The following ANAPC16 variants were observed in gnomAD, a reference collection of about 807,000 sequenced individuals.
The protein encoded by ANAPC16 is anaphase-promoting complex subunit 16.
A neutral mutation model predicts 13.1 loss-of-function variants in ANAPC16; 6 were observed. The observed-to-expected ratio is 0.46, with a 90% CI of 0.25 to 0.90. The LOEUF is 0.90. ANAPC16 is among the 40% of genes least tolerant of loss of function. The pLI is 0.18. For missense variants in ANAPC16, 113 were observed against 131.1 expected (o/e 0.86, Z 0.67); for synonymous variants, 55 against 51.3 (o/e 1.07, Z -0.31).
At chr10:72,226,975 A>G (rs570781793) in intron 2 of ANAPC16, among the ~76,000 whole-genome samples, 6 of 152,264 alleles carry the variant, frequency 3.9e-5, no homozygotes, top group South Asian at 4.1e-4. Context: ...GTAGTGAACA[A>G]TTGGGGCCCT....
intron 2 of ANAPC16, among the ~76,000 whole-genome samples, chr10:72,229,191 C>G (rs547328545): frequency 6.7e-6 from 1 of 150,230 alleles, no homozygotes; most frequent in East Asian, 2.0e-4. Context: ...AAAAAGTATA[C>G]ATCCCAATAA....
In ANAPC16 at chr10:72,234,754, T is replaced by C. The variant is rs1043152020; in HGVS notation, c.*1638T>C. Reference sequence around the variant, plus strand: ...CAGTCGGTTAAGAGCCTGAGCCCTGTGAAGTTAAACACCTGCTCATGGTCA... The same window carrying C: ...CAGTCGGTTAAGAGCCTGAGCCCTGCGAAGTTAAACACCTGCTCATGGTCA... On this transcript the variant is annotated 3_prime_UTR_variant, in exon 4 of 4. Transcript: ENST00000299381. The C allele has an allele frequency of 6.6e-6, 1 of 152,170 alleles. No homozygotes were observed. Among genetic ancestry groups the C allele is most frequent in the Non-Finnish European group, 1.5e-5 (1 of 68,024 alleles). 9.4% of individuals were successfully genotyped at this position (152,170 alleles called of 1,614,324 possible).
chr10:72,232,267 G>A (rs906543290), intron 3 of ANAPC16, among the ~76,000 whole-genome samples: 16 of 150,814 alleles, frequency 1.1e-4, no homozygotes, highest in Non-Finnish European at 1.8e-4. Context: ...TTTGAGGGTC[G>A]GGCACAGTGG....
chr10:72,216,490 C>T (rs1437241854), intron 1 of ANAPC16, among the ~76,000 whole-genome samples: 3 of 129,236 alleles, frequency 2.3e-5, no homozygotes, highest in Non-Finnish European at 3.4e-5. Context: ...GCCCCCCCCC[C>T]CCCCCGTTAC....
intron 1 of ANAPC16, among the ~76,000 whole-genome samples, chr10:72,222,872 G>A (rs914075833): frequency 9.9e-5 from 15 of 152,142 alleles, no homozygotes; most frequent in Non-Finnish European, 1.6e-4. Flanking sequence ...GGAGGGTTTT[G>A]TTTTGAACTT....
chr10:72,229,017 A>T (rs1381559461), intron 2 of ANAPC16, among the ~76,000 whole-genome samples: 1 of 151,698 alleles, frequency 6.6e-6, no homozygotes, highest in Non-Finnish European at 1.5e-5. Context: ...TGGGAGGTAA[A>T]CTCTAATTGT....
chr10:72,218,544 T>C (rs1223672060), intron 1 of ANAPC16, among the ~76,000 whole-genome samples: 2 of 152,060 alleles, frequency 1.3e-5, no homozygotes, highest in East Asian at 3.9e-4. Context: ...AATGGGGAAG[T>C]TGGGTTAGAT....
At chr10:72,232,343 G>A (rs527950815) in intron 3 of ANAPC16, among the ~76,000 whole-genome samples, 10 of 151,730 alleles carry the variant, frequency 6.6e-5, no homozygotes, top group South Asian at 2.1e-4. Context: ...TCAGGAGTTC[G>A]AGACTAGCCT....
chr10:72,226,330 A>G (rs1330023663), intron 2 of ANAPC16, among the ~76,000 whole-genome samples: 1 of 151,942 alleles, frequency 6.6e-6, no homozygotes, highest in East Asian at 1.9e-4. Context: ...TAATATTTCA[A>G]ATTTACACAA....
intron 1 of ANAPC16, among the ~76,000 whole-genome samples, chr10:72,221,902 G>A (rs1244799117): frequency 1.3e-5 from 2 of 150,690 alleles, no homozygotes; most frequent in East Asian, 2.0e-4. Flanking sequence ...GCTAATTTTT[G>A]TATTTTTAGT....
At chr10:72,222,745 C>G (rs1037619571) in intron 1 of ANAPC16, among the ~76,000 whole-genome samples, 6 of 152,228 alleles carry the variant, frequency 3.9e-5, no homozygotes, top group African/African-American at 1.4e-4. Flanking sequence ...CCACTGCACT[C>G]TAGCGTGGGC....
At chr10:72,219,638 G>A (rs2133655525) in intron 1 of ANAPC16, among the ~76,000 whole-genome samples, 1 of 152,314 alleles carries the variant, frequency 6.6e-6, no homozygotes, top group East Asian at 1.9e-4. Context: ...TCGGGAGACT[G>A]AGGTGAGAGG....
At chr10:72,222,362 G>A (rs563884375) in intron 1 of ANAPC16, among the ~76,000 whole-genome samples, 19 of 149,762 alleles carry the variant, frequency 1.3e-4, no homozygotes, top group African/African-American at 4.3e-4. Flanking sequence ...AGGTTGCAGT[G>A]AGCAGAGATC....
At chr10:72,227,292 T>A (rs1860151652) in intron 2 of ANAPC16, among the ~76,000 whole-genome samples, 1 of 152,220 alleles carries the variant, frequency 6.6e-6, no homozygotes, top group Non-Finnish European at 1.5e-5. Flanking sequence ...GAGATTAGTC[T>A]GAATGTTGAT....
chr10:72,216,599 T>G (rs1179178186), intron 1 of ANAPC16, among the ~76,000 whole-genome samples: 3 of 151,924 alleles, frequency 2.0e-5, no homozygotes, highest in African/African-American at 7.3e-5. Context: ...ATAATTTGCC[T>G]TTGTACTAGG....
intron 3 of ANAPC16, 50 bp from the exon 4 acceptor site, chr10:72,232,951 C>G: frequency 6.8e-7 from 1 of 1,469,190 alleles, no homozygotes; most frequent in Non-Finnish European, 9.5e-7. Flanking sequence ...TGGTGGCAGT[C>G]TCTTGGGTAA....
rs189823178 is a variant in ANAPC16 at position 72,231,970 on chromosome 10, T to C, written c.218-1031T>C. Among the ~76,000 whole-genome samples the C allele has an allele frequency of 2.9e-3, 446 of 151,762 alleles. 1 individual carries two copies. Among genetic ancestry groups the C allele is most frequent in the African/African-American group, 0.01 (419 of 41,426 alleles). Reference sequence around the variant, plus strand: ...GGGAGGCTGACACGGGCGGATCACCTGAGGTCGGGAGTTCGAGACTGGCCT... The same window carrying C: ...GGGAGGCTGACACGGGCGGATCACCCGAGGTCGGGAGTTCGAGACTGGCCT... On this transcript the variant is annotated intron_variant, in intron 3 of 3. Coordinates refer to ENST00000299381, the MANE Select transcript of ANAPC16 (RefSeq NM_173473.4).
At chr10:72,230,815 C>T (rs569525163) in intron 3 of ANAPC16, among the ~76,000 whole-genome samples, 13 of 152,172 alleles carry the variant, frequency 8.5e-5, no homozygotes, top group South Asian at 4.2e-4. Flanking sequence ...CACTTGAGCC[C>T]GGGAGGTTGA....
At chr10:72,217,405 G>A (rs1429515265) in intron 1 of ANAPC16, among the ~76,000 whole-genome samples, 1 of 151,334 alleles carries the variant, frequency 6.6e-6, no homozygotes, top group Non-Finnish European at 1.5e-5. Context: ...AACCCAGGAG[G>A]CAGAGCTTGC....
Sources: gnomAD v4.1 joint callset for allele counts (sites outside exome capture counted in the v4.1 genomes callset) on GRCh38, gnomAD v4.1.1 for gene constraint, MANE v1.5 for transcripts, NCBI Gene and HGNC (gene_info 2026-07-23, HGNC 2026-07-21) for gene names.